The following EFCC1 variants were observed in gnomAD, a reference collection of about 807,000 sequenced individuals.
EFCC1 encodes EF-hand and coiled-coil domain containing 1.
EFCC1 carries 50 observed loss-of-function variants against 52.1 expected under a neutral mutation model. That is an observed-to-expected ratio of 0.96 (90% CI 0.76 to 1.21). The LOEUF (loss-of-function observed/expected upper bound fraction) is 1.21, where lower values mean the gene tolerates loss of function less well. Ranked by LOEUF, EFCC1 falls within the 50% of genes most tolerant of loss-of-function variation. The pLI is 0.00. For synonymous variants in EFCC1, 399 were observed against 396.5 expected, an observed-to-expected ratio of 1.01 and a Z score of -0.08; for missense variants, 837 against 867.3, an observed-to-expected ratio of 0.97 and a Z score of 0.44.
At chr3:129,019,326 A>C (rs1303708706) in intron 2 of EFCC1, among the ~76,000 whole-genome samples, 2 of 152,164 alleles carry the variant, frequency 1.3e-5, no homozygotes, top group African/African-American at 4.8e-5. Context: ...CCCAGCTTTA[A>C]GTTTGTCCTG....
At chr3:129,021,105 C>T (rs565877121) in intron 2 of EFCC1, among the ~76,000 whole-genome samples, 2 of 152,182 alleles carry the variant, frequency 1.3e-5, no homozygotes, top group African/African-American at 4.8e-5. Flanking sequence ...CATGAGGGGC[C>T]CTGCCAGGGA....
At chr3:129,005,406 G>A (rs77764351) in intron 2 of EFCC1, among the ~76,000 whole-genome samples, 9 of 152,274 alleles carry the variant, frequency 5.9e-5, no homozygotes, top group African/African-American at 2.2e-4. Context: ...GGAGGCCAGA[G>A]TGGCTGGAGG....
At chr3:129,036,575 C>T (rs1480543870) in intron 5 of EFCC1, among the ~76,000 whole-genome samples, 1 of 152,334 alleles carries the variant, frequency 6.6e-6, no homozygotes, top group Admixed American at 6.5e-5. Context: ...GGGTCTTTCT[C>T]GGCTGTGGCT....
In EFCC1 at chr3:129,013,555, A is replaced by G. The variant is rs186111728; in HGVS notation, c.980+9478A>G. The stretch of plus-strand genomic sequence containing the variant: ...TAGCAAGACAGCTACCATCATCATC[A>G]GGATTAGCTCCTATCCTCCCAATCA... On this transcript the variant is annotated intron_variant, in intron 2 of 7. Coordinates refer to ENST00000683648, the MANE Select transcript of EFCC1 (RefSeq NM_001377500.1). 5.8e-4 allele frequency among the ~76,000 whole-genome samples: 89 copies of G among 152,300 alleles called. No individual in the cohort carries two copies. In the East Asian group the frequency reaches 0.015, roughly 26 times the overall value.
intron 2 of EFCC1, among the ~76,000 whole-genome samples, chr3:129,008,895 C>T (rs1945192267): frequency 6.6e-6 from 1 of 152,106 alleles, no homozygotes; most frequent in South Asian, 2.1e-4. Context: ...CTGGTCTCCA[C>T]TCACATGACC....
rs373883519 is a variant in EFCC1, at chr3:129,018,682, G to A, written c.981-12021G>A. ...TGTATTCTGAGCAGGGGACTGGGCA[G>A]GGGCAGGGATGGACTCTCTCACCTC... On this transcript the variant is annotated intron_variant, in intron 2 of 7. Coordinates refer to ENST00000683648, the MANE Select transcript of EFCC1 (RefSeq NM_001377500.1). Among the ~76,000 whole-genome samples the A allele has an allele frequency of 5.7e-4, 87 of 152,344 alleles. 2 individuals carry two copies. The South Asian group carries it at 0.017, about 30-fold the overall frequency.
intron 1 of EFCC1, 26 bp from the exon 2 acceptor site, chr3:129,003,768 C>T (rs1228935587): frequency 1.4e-6 from 2 of 1,393,214 alleles, no homozygotes; most frequent in South Asian, 2.9e-5. Flanking sequence ...CACTTACCCC[C>T]TGCCCCTGCT....
chr3:129,030,151 C>G (rs1946242234), intron 2 of EFCC1, among the ~76,000 whole-genome samples: 1 of 152,066 alleles, frequency 6.6e-6, no homozygotes, highest in South Asian at 2.1e-4. Flanking sequence ...TGCCACAGCA[C>G]TCCAGCCTGG....
intron 2 of EFCC1, among the ~76,000 whole-genome samples, chr3:129,019,922 C>A (rs548495040): frequency 2.8e-4 from 43 of 151,964 alleles, no homozygotes; most frequent in Non-Finnish European, 5.0e-4. Context: ...GTACCCACCA[C>A]CACGCCCGGC....
At position 129,003,785 on chromosome 3, in the gene EFCC1, T is replaced by C. The variant is rs1944920488; in HGVS notation, c.697-9T>C. Reference sequence around the variant, plus strand: ...CTTACCCCCTGCCCCTGCTGCCCTGTCCCCGCAGGTCGGACTCTGGAAGAG... The same window carrying C: ...CTTACCCCCTGCCCCTGCTGCCCTGCCCCCGCAGGTCGGACTCTGGAAGAG... On this transcript the variant is annotated splice_polypyrimidine_tract_variant and intron_variant, in intron 1 of 7. Coordinates refer to ENST00000683648, the MANE Select transcript of EFCC1 (RefSeq NM_001377500.1). 7.0e-7 allele frequency: 1 copy of C among 1,433,868 alleles called. No individual in the cohort carries two copies. Among genetic ancestry groups the C allele is most frequent in the Non-Finnish European group, 9.1e-7 (1 of 1,098,276 alleles). 88.8% of individuals were successfully genotyped at this position (1,433,868 alleles called of 1,614,324 possible). A position where few individuals can be genotyped will look rare whatever the true frequency, so the allele number is the denominator to read the frequency against.
chr3:129,029,747 G>C (rs1240276966), intron 2 of EFCC1, among the ~76,000 whole-genome samples: 1 of 151,638 alleles, frequency 6.6e-6, no homozygotes, highest in Non-Finnish European at 1.5e-5. Context: ...ACCACACCCA[G>C]CTAATTTTTA....
At position 129,014,457 on chromosome 3, in the gene EFCC1, C is replaced by A. The variant is rs565251802; in HGVS notation, c.980+10380C>A. 1.2e-4 allele frequency among the ~76,000 whole-genome samples: 19 copies of A among 152,352 alleles called. No individual in the cohort carries two copies. The highest frequency in any genetic ancestry group is 2.1e-4 in the South Asian group (1 of 4,828). ...GGGCCGCCTTCTCCCTGTATCCTCG[C>A]GTGGTCTTCCTTCTGTGTGTATTTC... On this transcript the variant is annotated intron_variant, in intron 2 of 7. Transcript: ENST00000683648. The surrounding 1 kb of genome is among the most constrained non-coding windows in gnomAD (Gnocchi z 4.3).
At chr3:129,029,183 C>T (rs777965123) in intron 2 of EFCC1, among the ~76,000 whole-genome samples, 11 of 152,116 alleles carry the variant, frequency 7.2e-5, no homozygotes, top group Non-Finnish European at 1.0e-4. Flanking sequence ...GTTGTTACGA[C>T]GAGATGGATG....
At position 129,040,371 on chromosome 3, in the gene EFCC1, A is replaced by T. The variant is rs1448411313; in HGVS notation, c.*523A>T. On this transcript the variant is annotated 3_prime_UTR_variant, in exon 8 of 8. Transcript: ENST00000683648. This position sits in a 1 kb window ranked among gnomAD's most constrained non-coding sequence, Gnocchi z 4.4. ...GGAAAGGCTGAGGGAATTCCAAGGA[A>T]GGAACAATCACTGTAGGCTCCCTGG... The T allele has an allele frequency of 6.5e-6, 1 of 153,324 alleles. No individual in the cohort carries two copies. The highest frequency in any genetic ancestry group is 1.5e-5 in the Non-Finnish European group (1 of 68,838). The allele number at this position is 153,324 out of a possible 1,614,324, so 9.5% of individuals were successfully genotyped here.
intron 2 of EFCC1, among the ~76,000 whole-genome samples, chr3:129,020,701 C>T (rs112617362): frequency 0.046 from 6,966 of 152,166 alleles, 475 homozygotes; most frequent in African/African-American, 0.15. Context: ...TGGTAAGGCA[C>T]GCTTATTGGA....
intron 3 of EFCC1, among the ~76,000 whole-genome samples, chr3:129,031,366 G>A (rs1946269526): frequency 6.6e-6 from 1 of 152,170 alleles, no homozygotes; most frequent in Non-Finnish European, 1.5e-5. Flanking sequence ...ACTTGAGCCT[G>A]GGAGGTAGAG....
chr3:129,017,362 G>A (rs1945630749), intron 2 of EFCC1, among the ~76,000 whole-genome samples: 2 of 152,242 alleles, frequency 1.3e-5, no homozygotes, highest in Non-Finnish European at 2.9e-5. Flanking sequence ...CACACTCTTA[G>A]TGACTTGAAA....
intron 2 of EFCC1, among the ~76,000 whole-genome samples, chr3:129,015,421 G>T (rs563448630): frequency 1.8e-4 from 28 of 151,986 alleles, no homozygotes; most frequent in Non-Finnish European, 2.5e-4. Context: ...TGCTCCTTCG[G>T]GGGGGGAGGT....
At chr3:129,030,534 T>G in intron 2 of EFCC1, 169 bp from the exon 3 acceptor site, 1 of 711,388 alleles carries the variant, frequency 1.4e-6, no homozygotes, top group Admixed American at 4.1e-5. Flanking sequence ...GTGCCCTAGC[T>G]GCAAGGGATG....
Sources: gnomAD v4.1 joint callset for allele counts (sites outside exome capture counted in the v4.1 genomes callset) on GRCh38, gnomAD v4.1.1 for gene constraint, Gnocchi (gnomAD v3.1) non-coding constraint, MANE v1.5 for transcripts, NCBI Gene and HGNC (gene_info 2026-07-23, HGNC 2026-07-21) for gene names.